CAPN14: variants seen among roughly 807,000 people sequenced by gnomAD.
The protein encoded by CAPN14 is calpain 14.
A neutral mutation model predicts 101.3 loss-of-function variants in CAPN14; 94 were observed. The observed-to-expected ratio is 0.93, with a 90% CI of 0.79 to 1.10. The LOEUF (loss-of-function observed/expected upper bound fraction) is 1.10. Ranked by LOEUF, CAPN14 falls within the 50% of genes least tolerant of loss-of-function variation. CAPN14 has a pLI of 0.00. For missense variants in CAPN14, 837 were observed against 828.4 expected, an observed-to-expected ratio of 1.01 and a Z score of -0.13; for synonymous variants, 338 against 317.9, an observed-to-expected ratio of 1.06 and a Z score of -0.67.
intron 13 of CAPN14, 21 bp downstream of exon 13, chr2:31,189,252 G>T: frequency 6.5e-7 from 1 of 1,548,944 alleles, no homozygotes; most frequent in South Asian, 1.2e-5. Flanking sequence ...CCACCCTCTA[G>T]GAGAGACCTT....
intron 1 of CAPN14, chr2:31,233,757 CA>C (rs34898701): frequency 0.24 from 33,774 of 141,844 alleles, 4,502 homozygotes; most frequent in African/African-American, 0.4. Flanking sequence ...CTTTCTATGC[CA>C]AAAAAAAAAA....
chr2:31,192,609 G>C (rs74918110), intron 10 of CAPN14, among the ~76,000 whole-genome samples: 3,821 of 152,274 alleles, frequency 0.025, 65 homozygotes, highest in Non-Finnish European at 0.038. Flanking sequence ...AGTGGAGGAA[G>C]GGACAGGGTC....
chr2:31,214,405 G>C (rs1682541307), intron 1 of CAPN14, among the ~76,000 whole-genome samples: 1 of 152,172 alleles, frequency 6.6e-6, no homozygotes, highest in African/African-American at 2.4e-5. Context: ...CCTCCAAAAT[G>C]CTCATCCAGG....
intron 1 of CAPN14, among the ~76,000 whole-genome samples, chr2:31,207,250 C>A (rs1401503881): frequency 6.6e-6 from 1 of 152,134 alleles, no homozygotes; most frequent in African/African-American, 2.4e-5. Flanking sequence ...TGAGTCCTTT[C>A]CCCAGGAAGC....
chr2:31,196,974 TG>T (rs1374443987), intron 8 of CAPN14, among the ~76,000 whole-genome samples: 1 of 152,196 alleles, frequency 6.6e-6, no homozygotes, highest in Non-Finnish European at 1.5e-5. Context: ...TAGCGTTGTT[TG>T]GGGGATTAAA....
At chr2:31,197,189 G>T in intron 8 of CAPN14, 60 bp downstream of exon 8, 1 of 1,143,168 alleles carries the variant, frequency 8.7e-7, no homozygotes, top group South Asian at 1.3e-5. Flanking sequence ...GTGTGCAAAT[G>T]GCAGCCTCCT....
chr2:31,203,371 A>G (rs1055802034), intron 2 of CAPN14, among the ~76,000 whole-genome samples: 7 of 148,924 alleles, frequency 4.7e-5, no homozygotes, highest in Admixed American at 1.3e-4. Flanking sequence ...CTGTGTAGAT[A>G]TTGAGAAATA....
intron 16 of CAPN14, among the ~76,000 whole-genome samples, chr2:31,185,324 T>C (rs925137428): frequency 6.6e-6 from 1 of 152,220 alleles, no homozygotes; most frequent in Admixed American, 6.5e-5. Flanking sequence ...ATAAGATTTG[T>C]TGTAAATACA....
chr2:31,178,733 GC>G (rs1345341302), intron 17 of CAPN14, among the ~76,000 whole-genome samples, 154 bp from the exon 18 acceptor site: 1 of 152,024 alleles, frequency 6.6e-6, no homozygotes, highest in Non-Finnish European at 1.5e-5. Context: ...CACCTCACTG[GC>G]CAGTCCAGCC....
At chr2:31,228,567 G>T (rs6750820) in intron 1 of CAPN14, among the ~76,000 whole-genome samples, 2 of 151,974 alleles carry the variant, frequency 1.3e-5, no homozygotes, top group Admixed American at 6.6e-5. Flanking sequence ...CTTATTAGGT[G>T]CCAGCATATT....
intron 1 of CAPN14, among the ~76,000 whole-genome samples, chr2:31,212,323 A>C (rs1682444213): frequency 6.6e-6 from 1 of 151,048 alleles, no homozygotes; most frequent in Non-Finnish European, 1.5e-5. Context: ...AAAAAAAAAA[A>C]AAAACAAAAA....
intron 1 of CAPN14, chr2:31,226,657 A>AG (rs1416121928): frequency 2.0e-5 from 3 of 152,192 alleles, no homozygotes; most frequent in African/African-American, 7.2e-5. Flanking sequence ...TCCTGCTGGC[A>AG]GGGACAGACA....
At chr2:31,188,465 C>T (rs1226262879) in intron 13 of CAPN14, 111 bp from the exon 14 acceptor site, 5 of 879,842 alleles carry the variant, frequency 5.7e-6, no homozygotes, top group Non-Finnish European at 9.2e-6. Context: ...TGAGGCACCA[C>T]AAGGGCCCAC....
chr2:31,195,417 A>G (rs1314938869), intron 8 of CAPN14, among the ~76,000 whole-genome samples: 2 of 152,032 alleles, frequency 1.3e-5, no homozygotes, highest in African/African-American at 4.8e-5. Flanking sequence ...GCTCACTGCA[A>G]CCTCCGCCTC....
chr2:31,188,253 G>A lies in CAPN14; in HGVS notation c.1530+65C>T. On this transcript the variant is annotated intron_variant, in intron 14 of 21. Transcript: ENST00000403897. The stretch of plus-strand genomic sequence containing the variant: ...CTCCCCTGACTCCTTAACTTGAAGG[G>A]AGAAACCCAACACCCTGGCTTGGAA... 5 of 1,432,546 alleles carry A rather than the reference G, an allele frequency of 3.5e-6. No individual in the cohort carries two copies. The South Asian group carries it at 3.7e-5, about 11-fold the overall frequency. 88.7% of individuals were successfully genotyped at this position (1,432,546 alleles called of 1,614,324 possible).
chr2:31,181,405 TC>T (rs1680600242), intron 16 of CAPN14, among the ~76,000 whole-genome samples: 1 of 116,130 alleles, frequency 8.6e-6, no homozygotes, highest in African/African-American at 3.3e-5. Flanking sequence ...TTTTTTTCTT[TC>T]TTTCTTTCTT....
chr2:31,194,098 A>G (rs1454664532), intron 9 of CAPN14, among the ~76,000 whole-genome samples: 1 of 152,204 alleles, frequency 6.6e-6, no homozygotes, highest in Non-Finnish European at 1.5e-5. Context: ...TGGCCTTTTC[A>G]GGACAAAAAA....
chr2:31,177,874 C>A, intron 18 of CAPN14, 53 bp from the exon 19 acceptor site: 2 of 1,339,748 alleles, frequency 1.5e-6, no homozygotes, highest in Non-Finnish European at 2.1e-6. Context: ...CAAGCACCAT[C>A]TGAGAGCCCT....
intron 15 of CAPN14, among the ~76,000 whole-genome samples, chr2:31,187,064 T>C (rs73921568): frequency 5.3e-4 from 81 of 152,312 alleles, no homozygotes; most frequent in African/African-American, 1.9e-3. Context: ...GGCAGGTAAA[T>C]TGTGACTTTA....
Sources: gnomAD v4.1 joint callset for allele counts (sites outside exome capture counted in the v4.1 genomes callset) on GRCh38, gnomAD v4.1.1 for gene constraint, MANE v1.5 for transcripts, NCBI Gene and HGNC (gene_info 2026-07-23, HGNC 2026-07-21) for gene names.